The following SKP1 variants were observed in gnomAD, a reference collection of about 807,000 sequenced individuals.
SKP1 encodes S-phase kinase-associated protein 1.
In SKP1, 1 loss-of-function variant was observed where a neutral mutation model predicts 21.5. That is an observed-to-expected ratio of 0.05 (90% CI 0.02 to 0.22). SKP1 has a LOEUF of 0.22. Ranked by LOEUF, SKP1 falls within the 10% of genes least tolerant of loss-of-function variation. SKP1 has a pLI of 1.00. For missense variants in SKP1, 70 were observed against 192.0 expected (o/e 0.36, Z 3.76); for synonymous variants, 59 against 59.3 (o/e 0.99, Z 0.03).
intron 5 of SKP1, 101 bp from the exon 6 acceptor site, chr5:134,157,869 A>T: frequency 6.2e-7 from 1 of 1,607,246 alleles, no homozygotes; most frequent in Non-Finnish European, 8.5e-7. Context: ...GAGTTGAGTC[A>T]GAAGAACAGA....
chr5:134,158,180 AG>A, intron 5 of SKP1: 3 of 1,392,646 alleles, frequency 2.2e-6, no homozygotes, highest in Non-Finnish European at 2.8e-6. Context: ...TGGTCTATAC[AG>A]AAAGTTGCAG....
intron 2 of SKP1, among the ~76,000 whole-genome samples, chr5:134,172,670 T>A (rs1382949372): frequency 6.6e-6 from 1 of 151,038 alleles, no homozygotes; most frequent in Non-Finnish European, 1.5e-5. Flanking sequence ...ATGGCTTGAG[T>A]CCAAGAGTGC....
In SKP1 at chr5:134,154,828, ACAGT is replaced by A. The variant is rs777180766; in HGVS notation, c.*2901_*2904del. The A allele has an allele frequency of 1.3e-5, 2 of 152,150 alleles. No individual in the cohort carries two copies. The highest frequency in any genetic ancestry group is 6.5e-5 in the Admixed American group (1 of 15,272). 9.4% of individuals were successfully genotyped at this position (152,150 alleles called of 1,614,324 possible). A position where few individuals can be genotyped will look rare whatever the true frequency, so the allele number is the denominator to read the frequency against. On this transcript the variant is annotated 3_prime_UTR_variant, in exon 6 of 6. Coordinates refer to ENST00000353411, the MANE Select transcript of SKP1 (RefSeq NM_170679.3). ...GGGTTTTCTTTCCTTTACTACTATA[ACAGT>A]AATTAGAGAAAGTCTTCATAATTCA...
chr5:134,172,943 C>T (rs1460381515), intron 2 of SKP1, among the ~76,000 whole-genome samples: 1 of 147,302 alleles, frequency 6.8e-6, no homozygotes, highest in Admixed American at 6.9e-5. Flanking sequence ...ACCCGGGGGG[C>T]AGAGGTTGCA....
At position 134,156,151 on chromosome 5, in the gene SKP1, G is replaced by A. The variant is rs1157576675; in HGVS notation, c.*1582C>T. 1 of 151,802 alleles carries A rather than the reference G, an allele frequency of 6.6e-6. No homozygotes were observed. Among genetic ancestry groups the A allele is most frequent in the Non-Finnish European group, 1.5e-5 (1 of 67,990 alleles). The allele number at this position is 151,802 out of a possible 1,614,324, so 9.4% of individuals were successfully genotyped here. On this transcript the variant is annotated 3_prime_UTR_variant, in exon 6 of 6. Transcript: ENST00000353411. ...TGCAGAAGTTGATCTTATAATAGCA[G>A]GAATTGGTAGATGAGACAATTCAGC... is the stretch of plus-strand genomic sequence containing the variant.
At position 134,151,702 on chromosome 5, in the gene SKP1, G is replaced by A. The variant is rs1461340335; in HGVS notation, c.*6031C>T. ...TCAGAAGGTCGCAAGAACTACAGAT[G>A]TGGAAGCAGACACTGTTATGAGCAA... On this transcript the variant is annotated 3_prime_UTR_variant, in exon 6 of 6. Transcript: ENST00000353411. 1 of 456,138 alleles carries A rather than the reference G, an allele frequency of 2.2e-6. No homozygotes were observed. Among genetic ancestry groups the A allele is most frequent in the Non-Finnish European group, 4.4e-6 (1 of 226,928 alleles). The allele number at this position is 456,138 out of a possible 1,614,324, so 28.3% of individuals were successfully genotyped here. A position where few individuals can be genotyped will look rare whatever the true frequency, so the allele number is the denominator to read the frequency against.
At chr5:134,167,509 G>A (rs987559398) in intron 2 of SKP1, among the ~76,000 whole-genome samples, 2 of 151,586 alleles carry the variant, frequency 1.3e-5, no homozygotes, top group Non-Finnish European at 2.9e-5. Flanking sequence ...ATCCGGCATT[G>A]TAAGTAATCT....
intron 2 of SKP1, among the ~76,000 whole-genome samples, chr5:134,167,583 C>T (rs986676613): frequency 6.6e-5 from 10 of 151,248 alleles, no homozygotes; most frequent in Admixed American, 5.3e-4. Context: ...AGTGTAGGGG[C>T]GCCATCTCGG....
intron 5 of SKP1, chr5:134,158,105 G>A: frequency 7.1e-7 from 1 of 1,409,390 alleles, no homozygotes; most frequent in South Asian, 1.3e-5. Context: ...CCCTCATTAA[G>A]TTGCTCTAAA....
rs56988371 is a variant in SKP1, at chr5:134,152,226, T to TCAAA, written c.*5506_*5507insTTTG. 0.15 allele frequency: 22,864 copies of TCAAA among 152,002 alleles called. 2,677 individuals are homozygous for TCAAA. The highest frequency in any genetic ancestry group is 0.32 in the African/African-American group (13,385 of 41,282). 9.4% of individuals were successfully genotyped at this position (152,002 alleles called of 1,614,324 possible). ...AAAATTAAAAAAATTAGAATTTAGC[T>TCAAA]CACTCAAAAATTGCCCTGCCTAATG... On this transcript the variant is annotated 3_prime_UTR_variant, in exon 6 of 6. Transcript: ENST00000353411.
intron 3 of SKP1, among the ~76,000 whole-genome samples, chr5:134,166,019 C>T (rs1328766145): frequency 6.6e-6 from 1 of 151,388 alleles, no homozygotes; most frequent in Non-Finnish European, 1.5e-5. Flanking sequence ...ATGGTGAAAA[C>T]CTGTCTAATA....
chr5:134,176,440 C>T (rs995479963), intron 1 of SKP1, among the ~76,000 whole-genome samples: 1 of 152,188 alleles, frequency 6.6e-6, no homozygotes, highest in East Asian at 1.9e-4. Flanking sequence ...CCCACGCTCA[C>T]GACAGCCAAG....
chr5:134,175,741 TAATACTA>T (rs954925936), intron 1 of SKP1, among the ~76,000 whole-genome samples: 2 of 152,358 alleles, frequency 1.3e-5, no homozygotes, highest in Non-Finnish European at 2.9e-5. Context: ...ATGCACTTGG[TAATACTA>T]AACTCAAAGA....
In SKP1 at chr5:134,151,598, G is replaced by T; in HGVS notation, c.*6135C>A. The T allele has an allele frequency of 2.2e-6, 1 of 449,974 alleles. No individual in the cohort carries two copies. The highest frequency in any genetic ancestry group is 2.4e-5 in the Admixed American group (1 of 42,002). 27.9% of individuals were successfully genotyped at this position (449,974 alleles called of 1,614,324 possible). A position where few individuals can be genotyped will look rare whatever the true frequency, so the allele number is the denominator to read the frequency against. The stretch of plus-strand genomic sequence containing the variant: ...GCAATAAGAGGCTGCTATATAGCAG[G>T]TTGAAAATTTGAAGTTAAGAGATAT... On this transcript the variant is annotated 3_prime_UTR_variant, in exon 6 of 6. Transcript: ENST00000353411.
At chr5:134,163,391 T>C (rs926434379) in intron 3 of SKP1, among the ~76,000 whole-genome samples, 3 of 151,212 alleles carry the variant, frequency 2.0e-5, no homozygotes, top group African/African-American at 7.3e-5. Context: ...TCCAATCAGA[T>C]AAGAGACAGG....
chr5:134,173,911 T>C lies in SKP1; in HGVS notation c.97+15A>G, dbSNP rs772647066. On this transcript the variant is annotated intron_variant, in intron 2 of 5. Coordinates refer to ENST00000353411, the MANE Select transcript of SKP1 (RefSeq NM_170679.3). The stretch of plus-strand genomic sequence containing the variant: ...TTACACATTTCCTCCCACCCAGGTT[T>C]TCCAATGAACTTACCTTCCAACATG... 3.4e-6 allele frequency: 5 copies of C among 1,453,476 alleles called. No individual in the cohort carries two copies. The South Asian group carries it at 4.6e-5, about 13-fold the overall frequency. The allele number at this position is 1,453,476 out of a possible 1,614,324, so 90.0% of individuals were successfully genotyped here. A position where few individuals can be genotyped will look rare whatever the true frequency, so the allele number is the denominator to read the frequency against.
chr5:134,163,447 T>C (rs1761259982), intron 3 of SKP1, among the ~76,000 whole-genome samples: 2 of 150,992 alleles, frequency 1.3e-5, no homozygotes, highest in South Asian at 4.2e-4. Context: ...ATCATGTAAT[T>C]ATTCTTCAAA....
intron 3 of SKP1, among the ~76,000 whole-genome samples, chr5:134,162,939 G>A (rs984773034): frequency 1.3e-5 from 2 of 151,962 alleles, no homozygotes; most frequent in South Asian, 2.1e-4. Flanking sequence ...AATAGGCTGG[G>A]CACTGTGGCT....
intron 1 of SKP1, chr5:134,174,344 T>C (rs1460527215): frequency 7.4e-6 from 2 of 271,304 alleles, no homozygotes; most frequent in Non-Finnish European, 1.3e-5. Flanking sequence ...CACTGAATAC[T>C]GGACTCCATC....
Sources: allele counts gnomAD v4.1 joint callset (sites outside exome capture counted in the v4.1 genomes callset), GRCh38; gene constraint gnomAD v4.1.1; transcripts MANE v1.5; gene names NCBI Gene and HGNC (gene_info 2026-07-23, HGNC 2026-07-21).